The following UNC5D variants were observed in gnomAD, a reference collection of about 807,000 sequenced individuals.
The protein encoded by UNC5D is netrin receptor UNC5D.
Under a neutral mutation model 105.4 loss-of-function variants are expected in UNC5D, and 39 were observed. That is an observed-to-expected ratio of 0.37 (90% CI 0.29 to 0.48). UNC5D has a LOEUF of 0.48. Ranked by LOEUF, UNC5D falls within the 20% of genes least tolerant of loss-of-function variation. UNC5D has a pLI of 0.98. For missense variants in UNC5D, 991 were observed against 1,202.4 expected (o/e 0.82, Z 2.60); for synonymous variants, 452 against 450.4 (o/e 1.00, Z -0.04).
intron 4 of UNC5D, among the ~76,000 whole-genome samples, chr8:35,604,445 A>T (rs1394848580): frequency 6.6e-6 from 1 of 152,146 alleles, no homozygotes; most frequent in Non-Finnish European, 1.5e-5. Flanking sequence ...CTTTGAGGGT[A>T]ACCCGACCTT....
At position 35,691,798 on chromosome 8, in the gene UNC5D, A is replaced by G. The variant is rs570012741; in HGVS notation, c.1084+5089A>G. Among the ~76,000 whole-genome samples the G allele has an allele frequency of 4.1e-4, 63 of 152,304 alleles. 3 individuals carry two copies. Among genetic ancestry groups the G allele is most frequent in the African/African-American group, 1.5e-3 (61 of 41,572 alleles). ...ACAGCCAGAGGGAAATAAGCTGCGCATGCCTCATTGACAGGAAGAGAAAGG... is the reference window on the plus strand; with the variant it reads ...ACAGCCAGAGGGAAATAAGCTGCGCGTGCCTCATTGACAGGAAGAGAAAGG... On this transcript the variant is annotated intron_variant, in intron 7 of 16. Coordinates refer to ENST00000404895, the MANE Select transcript of UNC5D (RefSeq NM_080872.4).
At chr8:35,596,005 G>C (rs1020929543) in intron 4 of UNC5D, among the ~76,000 whole-genome samples, 1 of 152,122 alleles carries the variant, frequency 6.6e-6, no homozygotes. Context: ...AATCTGAGCT[G>C]TAACAGGCAA....
intron 1 of UNC5D, among the ~76,000 whole-genome samples, chr8:35,342,190 A>G (rs1253881096): frequency 2.0e-5 from 3 of 152,114 alleles, no homozygotes; most frequent in Non-Finnish European, 1.5e-5. Context: ...TCAGTGATCC[A>G]GGTCGAGGAT....
intron 8 of UNC5D, among the ~76,000 whole-genome samples, chr8:35,710,253 G>A (rs1385914968): frequency 2.0e-5 from 3 of 152,174 alleles, no homozygotes; most frequent in Admixed American, 6.5e-5. Context: ...TCATATTCTG[G>A]ATGTCTTTTG....
rs57883243 is a variant in UNC5D at position 35,791,075 on chromosome 8, A to G, written c.*512A>G. On this transcript the variant is annotated 3_prime_UTR_variant, in exon 17 of 17. Transcript: ENST00000404895. ...CATTTGTATGACTTCAACAACGTCA[A>G]GGAGGGCATTTAGAATTTAGAATCT... 536 of 181,162 alleles carry G rather than the reference A, an allele frequency of 3.0e-3. 4 individuals carry two copies. The highest frequency in any genetic ancestry group is 0.012 in the African/African-American group (513 of 42,280). 11.2% of individuals were successfully genotyped at this position (181,162 alleles called of 1,614,324 possible).
intron 8 of UNC5D, among the ~76,000 whole-genome samples, chr8:35,721,802 G>A (rs1828596852): frequency 6.6e-6 from 1 of 152,198 alleles, no homozygotes; most frequent in Non-Finnish European, 1.5e-5. Context: ...CACATAAGCA[G>A]AGCAGATCAC....
intron 7 of UNC5D, among the ~76,000 whole-genome samples, chr8:35,699,231 G>GTCATTAAGGATACTTAT (rs796305382): frequency 1.6e-4 from 24 of 152,252 alleles, no homozygotes; most frequent in African/African-American, 5.8e-4. Context: ...TATGAGCATA[G>GTCATTAAGGATACTTAT]TCATTAAGGA....
At chr8:35,496,999 A>G (rs577973097) in intron 1 of UNC5D, among the ~76,000 whole-genome samples, 1 of 152,332 alleles carries the variant, frequency 6.6e-6, no homozygotes, top group Non-Finnish European at 1.5e-5. Context: ...AGATAGATTA[A>G]CAAAAGAAAA....
At chr8:35,549,657 C>A (rs1815960554) in intron 2 of UNC5D, 147 bp downstream of exon 2, 2 of 773,734 alleles carry the variant, frequency 2.6e-6, no homozygotes, top group Non-Finnish European at 4.0e-6. Flanking sequence ...AAGATGCAAT[C>A]CTTTTCTTCA....
chr8:35,640,708 G>A (rs930835774), intron 4 of UNC5D, among the ~76,000 whole-genome samples: 1 of 152,118 alleles, frequency 6.6e-6, no homozygotes, highest in African/African-American at 2.4e-5. Context: ...TGAAAACGCA[G>A]AGATGTTTTT....
chr8:35,537,597 C>T (rs886490018), intron 1 of UNC5D, among the ~76,000 whole-genome samples: 1 of 152,014 alleles, frequency 6.6e-6, no homozygotes, highest in Non-Finnish European at 1.5e-5. Context: ...AGGAGGACCA[C>T]TTGACCCTGG....
rs185964170 is a variant in UNC5D at position 35,331,688 on chromosome 8, A to G, written c.103+95801A>G. ...TTTTCATCATGAATCAGTTCTCATG[A>G]AGAAGATTTGAAGGAGAATTGAACA... On this transcript the variant is annotated intron_variant, in intron 1 of 16. Transcript: ENST00000404895. Among the ~76,000 whole-genome samples the G allele has an allele frequency of 2.6e-5, 4 of 152,274 alleles. No individual in the cohort carries two copies. The East Asian group carries it at 7.7e-4, about 29-fold the overall frequency.
At chr8:35,603,203 A>C (rs1228451491) in intron 4 of UNC5D, among the ~76,000 whole-genome samples, 1 of 151,766 alleles carries the variant, frequency 6.6e-6, no homozygotes, top group Non-Finnish European at 1.5e-5. Flanking sequence ...ATTTCCCTCT[A>C]CACACTGCTT....
chr8:35,577,612 G>A (rs1818178602), intron 3 of UNC5D, among the ~76,000 whole-genome samples: 1 of 152,184 alleles, frequency 6.6e-6, no homozygotes, highest in South Asian at 2.1e-4. Flanking sequence ...GCACAAGGAA[G>A]AGCTCTTTCT....
At chr8:35,597,798 A>G (rs1204488134) in intron 4 of UNC5D, among the ~76,000 whole-genome samples, 1 of 152,186 alleles carries the variant, frequency 6.6e-6, no homozygotes, top group Non-Finnish European at 1.5e-5. Flanking sequence ...GTGACCAACC[A>G]AAGGTCTTGC....
intron 1 of UNC5D, among the ~76,000 whole-genome samples, chr8:35,392,630 G>T (rs1420324480): frequency 6.6e-6 from 1 of 152,122 alleles, no homozygotes; most frequent in Non-Finnish European, 1.5e-5. Flanking sequence ...GGCACACCTA[G>T]TAATCTAAGA....
chr8:35,552,827 C>A (rs940934082), intron 2 of UNC5D, among the ~76,000 whole-genome samples: 1 of 152,072 alleles, frequency 6.6e-6, no homozygotes, highest in Non-Finnish European at 1.5e-5. Flanking sequence ...CTTACGTTGA[C>A]ATTAAAAATT....
At chr8:35,286,517 G>C (rs1006444381) in intron 1 of UNC5D, among the ~76,000 whole-genome samples, 5 of 152,114 alleles carry the variant, frequency 3.3e-5, no homozygotes, top group African/African-American at 1.2e-4. Context: ...CTAAGTTCTG[G>C]CGCTCACATG....
chr8:35,459,850 T>C (rs1158032844), intron 1 of UNC5D, among the ~76,000 whole-genome samples: 1 of 152,212 alleles, frequency 6.6e-6, no homozygotes, highest in Non-Finnish European at 1.5e-5. Flanking sequence ...CTTGATTTTA[T>C]GCCATTGGAC....
Sources: allele counts gnomAD v4.1 joint callset (sites outside exome capture counted in the v4.1 genomes callset), GRCh38; gene constraint gnomAD v4.1.1; transcripts MANE v1.5; gene names NCBI Gene and HGNC (gene_info 2026-07-23, HGNC 2026-07-21).